The following GPC5 variants were observed in gnomAD, a reference collection of about 807,000 sequenced individuals.
The protein encoded by GPC5 is glypican-5.
Under a neutral mutation model 53.9 loss-of-function variants are expected in GPC5, and 47 were observed. The observed-to-expected ratio is 0.87, with a 90% CI of 0.69 to 1.11. The LOEUF is 1.11. GPC5 is among the 50% of genes most tolerant of loss of function. The probability of loss-of-function intolerance (pLI) is 0.00; values close to 1 mark genes in which losing one functional copy is unlikely to be tolerated. For missense variants in GPC5, 748 were observed against 713.1 expected, an observed-to-expected ratio of 1.05 and a Z score of -0.56; for synonymous variants, 286 against 263.3, an observed-to-expected ratio of 1.09 and a Z score of -0.84.
intron 7 of GPC5, among the ~76,000 whole-genome samples, chr13:92,244,330 T>C (rs969920717): frequency 6.6e-6 from 1 of 152,228 alleles, no homozygotes; most frequent in Non-Finnish European, 1.5e-5. Context: ...TGTTATATGA[T>C]ATTACGACAT....
intron 7 of GPC5, among the ~76,000 whole-genome samples, chr13:92,474,899 A>G (rs1209975232): frequency 6.6e-6 from 1 of 152,098 alleles, no homozygotes; most frequent in Non-Finnish European, 1.5e-5. Context: ...CTGAGCTTAG[A>G]AGACTAATAT....
intron 7 of GPC5, among the ~76,000 whole-genome samples, chr13:92,540,677 C>T (rs1241141278): frequency 1.3e-5 from 2 of 151,750 alleles, no homozygotes; most frequent in African/African-American, 4.8e-5. Context: ...TGGAAGAAAA[C>T]TTGAGTAGAA....
intron 7 of GPC5, among the ~76,000 whole-genome samples, chr13:92,809,328 G>C (rs900078721): frequency 6.6e-6 from 1 of 152,170 alleles, no homozygotes; most frequent in African/African-American, 2.4e-5. Context: ...CATAGGCATG[G>C]TTCAAACATA....
intron 7 of GPC5, among the ~76,000 whole-genome samples, chr13:92,854,016 A>C (rs1270393183): frequency 2.0e-5 from 3 of 151,908 alleles, no homozygotes. Flanking sequence ...GTTCTCCTTT[A>C]GTTTTGGCTT....
chr13:92,861,192 C>A (rs2138855398), intron 7 of GPC5, among the ~76,000 whole-genome samples: 1 of 152,186 alleles, frequency 6.6e-6, no homozygotes, highest in African/African-American at 2.4e-5. Context: ...CAATTCCCTA[C>A]CAATTGGCAC....
intron 7 of GPC5, among the ~76,000 whole-genome samples, chr13:92,538,697 G>T (rs1010345594): frequency 4.0e-4 from 56 of 138,466 alleles, no homozygotes; most frequent in African/African-American, 1.5e-3. Context: ...CCACTTATGA[G>T]TGAGAACATA....
At chr13:92,491,498 T>C (rs1437285089) in intron 7 of GPC5, among the ~76,000 whole-genome samples, 3 of 152,170 alleles carry the variant, frequency 2.0e-5, no homozygotes, top group Admixed American at 6.5e-5. Context: ...TATTTTCTCA[T>C]GGTAAAGCAA....
chr13:91,678,865 A>G (rs2035444021), intron 2 of GPC5, among the ~76,000 whole-genome samples: 1 of 152,120 alleles, frequency 6.6e-6, no homozygotes, highest in African/African-American at 2.4e-5. Flanking sequence ...AATGCCATGT[A>G]CTACTTAACA....
chr13:92,779,502 A>G (rs1177741), intron 7 of GPC5, among the ~76,000 whole-genome samples: 12,245 of 152,252 alleles, frequency 0.08, 1,033 homozygotes, highest in African/African-American at 0.21. Flanking sequence ...AGTAGCAACA[A>G]CTATGCATTT....
intron 7 of GPC5, among the ~76,000 whole-genome samples, chr13:92,469,543 T>A (rs1878830169): frequency 6.6e-6 from 1 of 152,128 alleles, no homozygotes; most frequent in Non-Finnish European, 1.5e-5. Flanking sequence ...CCAATTTACT[T>A]TATGGGGCTC....
chr13:92,337,426 G>T (rs1466812280), intron 7 of GPC5, among the ~76,000 whole-genome samples: 5 of 152,078 alleles, frequency 3.3e-5, no homozygotes, highest in African/African-American at 9.7e-5. Context: ...ATTTTATATT[G>T]TCAGGATGAT....
intron 2 of GPC5, among the ~76,000 whole-genome samples, chr13:91,523,584 G>A (rs1349506986): frequency 6.6e-6 from 1 of 152,214 alleles, no homozygotes; most frequent in Non-Finnish European, 1.5e-5. Flanking sequence ...ATGGGGTTTA[G>A]AATTGGGGGA....
intron 6 of GPC5, among the ~76,000 whole-genome samples, chr13:92,134,267 C>T (rs2041766754): frequency 6.6e-6 from 1 of 152,066 alleles, no homozygotes; most frequent in East Asian, 1.9e-4. Flanking sequence ...CATGGCATAA[C>T]CAGGCAAACA....
intron 4 of GPC5, among the ~76,000 whole-genome samples, chr13:91,742,875 A>G (rs967458682): frequency 1.3e-5 from 2 of 152,100 alleles, no homozygotes; most frequent in African/African-American, 2.4e-5. Context: ...AAATCTCTCC[A>G]CATTTCTAAC....
At chr13:92,659,874 G>A (rs1036931238) in intron 7 of GPC5, among the ~76,000 whole-genome samples, 1 of 152,252 alleles carries the variant, frequency 6.6e-6, no homozygotes, top group South Asian at 2.1e-4. Flanking sequence ...GAATGGGAAC[G>A]AGCATGTGCA....
chr13:92,348,661 G>A (rs193151974), intron 7 of GPC5, among the ~76,000 whole-genome samples: 6 of 152,178 alleles, frequency 3.9e-5, no homozygotes, highest in African/African-American at 1.2e-4. Flanking sequence ...ATTCTCCAGG[G>A]TAGATCACCT....
intron 7 of GPC5, among the ~76,000 whole-genome samples, chr13:92,341,962 T>C (rs7328531): frequency 0.4 from 61,463 of 151,914 alleles, 12,580 homozygotes; most frequent in Middle Eastern, 0.51. Flanking sequence ...ACTGTTTTGT[T>C]ACGTAGGACA....
intron 7 of GPC5, among the ~76,000 whole-genome samples, chr13:92,608,235 C>T (rs945481401): frequency 3.9e-5 from 6 of 152,122 alleles, no homozygotes; most frequent in African/African-American, 1.2e-4. Flanking sequence ...GCTAGCACCT[C>T]CAACTCTTAC....
intron 7 of GPC5, among the ~76,000 whole-genome samples, chr13:92,854,632 A>G (rs762066263): frequency 6.6e-6 from 1 of 152,014 alleles, no homozygotes; most frequent in Non-Finnish European, 1.5e-5. Context: ...CAAAGGGAAT[A>G]GAGTCTGCCT....
Sources: allele counts gnomAD v4.1 joint callset (sites outside exome capture counted in the v4.1 genomes callset), GRCh38; gene constraint gnomAD v4.1.1; transcripts MANE v1.5; gene names NCBI Gene and HGNC (gene_info 2026-07-23, HGNC 2026-07-21).